The following FGGY variants were observed in gnomAD, a reference collection of about 807,000 sequenced individuals.
The protein encoded by FGGY is FGGY carbohydrate kinase domain-containing protein.
Under a neutral mutation model 71.3 loss-of-function variants are expected in FGGY, and 72 were observed. The ratio of observed to expected loss-of-function variants is 1.01; its 90% CI spans 0.84 to 1.23. The LOEUF (loss-of-function observed/expected upper bound fraction) is 1.23, where lower values mean the gene tolerates loss of function less well. Among genes scored for constraint, FGGY ranks in the 50% most tolerant of loss-of-function variants. The probability of loss-of-function intolerance (pLI) is 0.00; values close to 1 mark genes in which losing one functional copy is unlikely to be tolerated. For missense variants in FGGY, 668 were observed against 682.3 expected (o/e 0.98, Z 0.23); for synonymous variants, 251 against 250.3 (o/e 1.00, Z -0.02).
At chr1:59,586,936 G>T (rs980590506) in intron 8 of FGGY, among the ~76,000 whole-genome samples, 28 of 152,330 alleles carry the variant, frequency 1.8e-4, no homozygotes, top group African/African-American at 6.7e-4. Flanking sequence ...GTGCCAGACA[G>T]TGGGCGCAGG....
intron 9 of FGGY, among the ~76,000 whole-genome samples, chr1:59,622,351 A>G (rs2096818897): frequency 6.6e-6 from 1 of 152,096 alleles, no homozygotes; most frequent in Non-Finnish European, 1.5e-5. Context: ...CCTGTTCCTC[A>G]ATATGTATAA....
chr1:59,356,062 G>C (rs756509720), intron 4 of FGGY, among the ~76,000 whole-genome samples: 2 of 152,062 alleles, frequency 1.3e-5, no homozygotes, highest in African/African-American at 4.8e-5. Context: ...ATGCAGAAGG[G>C]AACGGCTGGA....
At chr1:59,731,013 A>G (rs2098020627) in intron 14 of FGGY, among the ~76,000 whole-genome samples, 1 of 152,258 alleles carries the variant, frequency 6.6e-6, no homozygotes, top group African/African-American at 2.4e-5. Context: ...AATGTCACCA[A>G]TGCTGAGTGA....
intron 5 of FGGY, among the ~76,000 whole-genome samples, chr1:59,413,772 G>A (rs750098867): frequency 7.2e-5 from 11 of 152,106 alleles, no homozygotes; most frequent in Non-Finnish European, 1.3e-4. Flanking sequence ...AGCAGCCTGG[G>A]CAACATGGCA....
chr1:59,651,968 C>A (rs1170178519), intron 11 of FGGY, among the ~76,000 whole-genome samples: 1 of 151,298 alleles, frequency 6.6e-6, no homozygotes, highest in Admixed American at 6.6e-5. Flanking sequence ...AATCTCTCAG[C>A]ATTTGCTTGT....
chr1:59,693,919 A>G (rs1480155266), intron 14 of FGGY, among the ~76,000 whole-genome samples: 2 of 151,928 alleles, frequency 1.3e-5, no homozygotes, highest in Non-Finnish European at 2.9e-5. Context: ...AGGTGGGAGG[A>G]TTGCTTGAAC....
At chr1:59,525,993 G>A (rs977962329) in intron 7 of FGGY, among the ~76,000 whole-genome samples, 3 of 152,178 alleles carry the variant, frequency 2.0e-5, no homozygotes, top group Admixed American at 1.3e-4. Flanking sequence ...CTGAATGCGT[G>A]TGTGTATGTG....
At chr1:59,584,475 C>T (rs2096249401) in intron 8 of FGGY, among the ~76,000 whole-genome samples, 1 of 149,962 alleles carries the variant, frequency 6.7e-6, no homozygotes, top group Admixed American at 6.6e-5. Context: ...AACAACGCTT[C>T]ATGCTAAAAA....
intron 8 of FGGY, among the ~76,000 whole-genome samples, chr1:59,579,336 A>C (rs1422248398): frequency 6.6e-6 from 1 of 152,090 alleles, no homozygotes; most frequent in Non-Finnish European, 1.5e-5. Flanking sequence ...TAAGACTCAA[A>C]GCTTTAAGAC....
At chr1:59,444,436 G>A (rs1290104532) in intron 5 of FGGY, among the ~76,000 whole-genome samples, 5 of 152,056 alleles carry the variant, frequency 3.3e-5, no homozygotes, top group African/African-American at 1.2e-4. Context: ...TTCTAGTGAT[G>A]AGAAACTGTA....
chr1:59,476,735 A>T (rs562885701), intron 6 of FGGY, among the ~76,000 whole-genome samples: 4 of 152,346 alleles, frequency 2.6e-5, no homozygotes, highest in African/African-American at 9.6e-5. Flanking sequence ...TAAATTATAG[A>T]TCTAGATTTT....
chr1:59,626,979 C>A (rs915886407), intron 10 of FGGY: 1 of 151,890 alleles, frequency 6.6e-6, no homozygotes, highest in Non-Finnish European at 1.5e-5. Flanking sequence ...GAAGAAATGA[C>A]ACTTCTCTGA....
At chr1:59,656,603 A>T (rs1428634679) in intron 11 of FGGY, among the ~76,000 whole-genome samples, 4 of 152,198 alleles carry the variant, frequency 2.6e-5, no homozygotes, top group African/African-American at 9.6e-5. Context: ...CACTTGAGAG[A>T]TAAATATCTT....
intron 14 of FGGY, among the ~76,000 whole-genome samples, chr1:59,677,650 T>G (rs371240871): frequency 2.0e-5 from 3 of 152,214 alleles, no homozygotes; most frequent in African/African-American, 7.2e-5. Flanking sequence ...AGATTTTACT[T>G]GTAGCTTTTG....
chr1:59,514,306 G>A (rs2153634546), intron 7 of FGGY, among the ~76,000 whole-genome samples: 1 of 152,304 alleles, frequency 6.6e-6, no homozygotes, highest in Admixed American at 6.5e-5. Context: ...CTGAAAGAAA[G>A]AGAACTGCTG....
rs1572590465 is a variant in FGGY, at chr1:59,471,970, C to T, written c.670+14894C>T. 1.3e-5 allele frequency among the ~76,000 whole-genome samples: 2 copies of T among 152,372 alleles called. 1 individual carries two copies. The highest frequency in any genetic ancestry group is 4.1e-4 in the South Asian group (2 of 4,832). Reference sequence around the variant, plus strand: ...GTAGTGAGAAGTGACAGCGTGCTGGCAGTCCTCACAGCCCTCGCTCGCTCT... The same window carrying T: ...GTAGTGAGAAGTGACAGCGTGCTGGTAGTCCTCACAGCCCTCGCTCGCTCT... On this transcript the variant is annotated intron_variant, in intron 6 of 15. Transcript: ENST00000303721.
intron 5 of FGGY, among the ~76,000 whole-genome samples, chr1:59,396,723 T>A (rs115594419): frequency 0.021 from 3,186 of 152,312 alleles, 115 homozygotes; most frequent in African/African-American, 0.072. Context: ...GTAATTTTTC[T>A]GAGCAACAGT....
At chr1:59,598,170 A>G (rs1471855100) in intron 8 of FGGY, among the ~76,000 whole-genome samples, 2 of 152,238 alleles carry the variant, frequency 1.3e-5, no homozygotes, top group Non-Finnish European at 2.9e-5. Flanking sequence ...CTTTGAAGGC[A>G]CACAGCTCTC....
chr1:59,336,743 G>A (rs951884704), intron 2 of FGGY, among the ~76,000 whole-genome samples: 2 of 151,980 alleles, frequency 1.3e-5, no homozygotes, highest in Non-Finnish European at 2.9e-5. Flanking sequence ...AACATGCGGT[G>A]TTAGAAAACC....
Sources: gnomAD v4.1 joint callset for allele counts (sites outside exome capture counted in the v4.1 genomes callset) on GRCh38, gnomAD v4.1.1 for gene constraint, MANE v1.5 for transcripts, NCBI Gene and HGNC (gene_info 2026-07-23, HGNC 2026-07-21) for gene names.